Variants in DNM1L observed in about 807,000 individuals in gnomAD.
The protein encoded by DNM1L is dynamin 1L.
Under a neutral mutation model 92.8 loss-of-function variants are expected in DNM1L, and 33 were observed. That is an observed-to-expected ratio of 0.36 (90% CI 0.27 to 0.48). The LOEUF (loss-of-function observed/expected upper bound fraction) is 0.48. DNM1L is among the 20% of genes least tolerant of loss of function. The pLI is 0.99. For synonymous variants in DNM1L, 284 were observed against 305.0 expected (o/e 0.93, Z 0.72); for missense variants, 485 against 888.8 (o/e 0.55, Z 5.78).
Position 32,722,723 on chromosome 12 carries a change from AT to A in DNM1L, c.1079+92del, listed in dbSNP as rs1565524166. ...AGATGACTTCAGCTCAGATTATCTG[AT>A]TAAGATTTATTTTCTATAAAACAAA... On this transcript the variant is annotated intron_variant, in intron 9 of 19. Coordinates refer to ENST00000549701, the MANE Select transcript of DNM1L (RefSeq NM_012062.5). 8.4e-6 allele frequency: 8 copies of A among 947,674 alleles called. No homozygotes were observed. In the African/African-American group the frequency reaches 1.3e-4, roughly 16 times the overall value. The allele number at this position is 947,674 out of a possible 1,614,324, so 58.7% of individuals were successfully genotyped here.
intron 13 of DNM1L, among the ~76,000 whole-genome samples, chr12:32,735,018 C>T (rs1296801773): frequency 6.6e-6 from 1 of 152,012 alleles, no homozygotes; most frequent in African/African-American, 2.4e-5. Flanking sequence ...AGAAAGTAGG[C>T]CAGATCACAG....
At chr12:32,697,143 C>T (rs547365505) in intron 1 of DNM1L, among the ~76,000 whole-genome samples, 29 of 151,868 alleles carry the variant, frequency 1.9e-4, no homozygotes, top group African/African-American at 5.1e-4. Context: ...GCAAGAGAGT[C>T]GCTTGAACCA....
At chr12:32,691,632 T>C (rs1467459755) in intron 1 of DNM1L, among the ~76,000 whole-genome samples, 2 of 152,146 alleles carry the variant, frequency 1.3e-5, no homozygotes, top group African/African-American at 4.8e-5. Context: ...CTTCAACATA[T>C]AAATTTTGGG....
chr12:32,727,343 C>T, intron 9 of DNM1L: 1 of 796,116 alleles, frequency 1.3e-6, no homozygotes, highest in South Asian at 1.3e-5. Context: ...TTTTAACTAC[C>T]CTAGCTAGGC....
At chr12:32,679,599 TG>T (rs1386967588) in intron 1 of DNM1L, 134 bp downstream of exon 1, 6 of 1,432,796 alleles carry the variant, frequency 4.2e-6, no homozygotes, top group African/African-American at 1.5e-5. Flanking sequence ...AGGGCCTTGC[TG>T]GGGGCCCCAG....
intron 1 of DNM1L, among the ~76,000 whole-genome samples, chr12:32,689,897 A>C (rs1333929133): frequency 1.3e-5 from 2 of 152,242 alleles, no homozygotes. Flanking sequence ...GAAGAAACTA[A>C]AACTAAAAGA....
intron 15 of DNM1L, 95 bp downstream of exon 15, chr12:32,738,037 TG>T: frequency 7.3e-7 from 1 of 1,361,502 alleles, no homozygotes; most frequent in Non-Finnish European, 1.0e-6. Context: ...AATATTAATA[TG>T]GGATACTGTG....
rs190280601 is a variant in DNM1L, at chr12:32,712,151, T to C, written c.457-1058T>C. Among the ~76,000 whole-genome samples, 341 of 152,318 alleles carry C rather than the reference T, an allele frequency of 2.2e-3. 4 individuals are homozygous for C. The highest frequency in any genetic ancestry group is 0.02 in the Middle Eastern group (6 of 294). ...CTCATCTTAGTAGACAGTGATACGA[T>C]TAAAGTGAAAATTCGATTGTGTCAT... is the stretch of plus-strand genomic sequence containing the variant. On this transcript the variant is annotated intron_variant, in intron 5 of 19. Transcript: ENST00000549701.
chr12:32,682,669 G>A (rs897137575), intron 1 of DNM1L, among the ~76,000 whole-genome samples: 1 of 152,148 alleles, frequency 6.6e-6, no homozygotes, highest in Non-Finnish European at 1.5e-5. Flanking sequence ...TGACTTTGGT[G>A]GCATTCTTGC....
At chr12:32,734,557 A>G (rs1293768989) in intron 13 of DNM1L, among the ~76,000 whole-genome samples, 2 of 152,220 alleles carry the variant, frequency 1.3e-5, no homozygotes, top group African/African-American at 4.8e-5. Context: ...CTGTAATCCC[A>G]GCAATTTGGG....
At chr12:32,681,988 T>A (rs995418040) in intron 1 of DNM1L, among the ~76,000 whole-genome samples, 1 of 152,012 alleles carries the variant, frequency 6.6e-6, no homozygotes, top group African/African-American at 2.4e-5. Flanking sequence ...AGTGAGACCC[T>A]GATTCTTCCA....
In DNM1L at chr12:32,740,394, CT is replaced by C. The variant is rs1225900153; in HGVS notation, c.1885-14del. 3.1e-6 allele frequency: 5 copies of C among 1,612,564 alleles called. No individual in the cohort carries two copies. Among genetic ancestry groups the C allele is most frequent in the African/African-American group, 1.3e-5 (1 of 74,878 alleles). ...GTCACAAAAGTAATATTTTTTCCCC[CT>C]CATCCCTATTTAGCCAGTTCCTGTT... On this transcript the variant is annotated splice_polypyrimidine_tract_variant and intron_variant, in intron 17 of 19. Coordinates refer to ENST00000549701, the MANE Select transcript of DNM1L (RefSeq NM_012062.5).
intron 1 of DNM1L, among the ~76,000 whole-genome samples, chr12:32,684,500 CAG>C (rs1265996848): frequency 1.4e-5 from 2 of 140,050 alleles, no homozygotes; most frequent in Admixed American, 1.4e-4. Flanking sequence ...TTTTTTGAGA[CAG>C]AGTTTTGCTC....
chr12:32,734,609 C>A (rs1954753445), intron 13 of DNM1L, among the ~76,000 whole-genome samples: 3 of 152,148 alleles, frequency 2.0e-5, no homozygotes, highest in Admixed American at 2.0e-4. Context: ...GAGTTTGAGA[C>A]CAGCCTGGCC....
chr12:32,709,908 TA>T (rs961617486), intron 4 of DNM1L, among the ~76,000 whole-genome samples: 2 of 152,122 alleles, frequency 1.3e-5, no homozygotes, highest in African/African-American at 2.4e-5. Flanking sequence ...AATATAATTG[TA>T]TAGGGAATGT....
Position 32,740,224 on chromosome 12 carries a change from T to C in DNM1L, c.1868T>C (p.Val623Ala). 1 of 1,614,178 alleles carries C rather than the reference T, an allele frequency of 6.2e-7. No individual in the cohort carries two copies. Among genetic ancestry groups the C allele is most frequent in the Non-Finnish European group, 8.5e-7 (1 of 1,180,016 alleles). Residue 623 changes from valine (V) to alanine (A), a missense_variant, in exon 17 of 20, where the codon GTG (valine) becomes GCG (alanine). By Grantham distance (64) the Val-to-Ala change is moderately conservative. Around this residue, in one of 11 missense-constraint regions of DNM1L, gnomAD observed 133 missense variants for 210.9 expected, o/e 0.63. Coordinates refer to ENST00000549701, the MANE Select transcript of DNM1L (RefSeq NM_012062.5). ...MPASPQKGHA[V>A]NLLDVPVPVA... Reference sequence around the variant, plus strand: ...GCCAGTCCACAAAAAGGTCATGCCGTGAACCTGCTAGATGTGGTAAGCCAT... The same window carrying C: ...GCCAGTCCACAAAAAGGTCATGCCGCGAACCTGCTAGATGTGGTAAGCCAT...
intron 1 of DNM1L, among the ~76,000 whole-genome samples, chr12:32,688,094 T>C (rs904439289): frequency 2.0e-5 from 3 of 152,042 alleles, no homozygotes; most frequent in Non-Finnish European, 4.4e-5. Flanking sequence ...CTGGCTAATA[T>C]TTGTTTTTTT....
chr12:32,722,412 T>C lies in DNM1L; in HGVS notation c.873-15T>C. 6.2e-7 allele frequency: 1 copy of C among 1,608,158 alleles called. No individual in the cohort carries two copies. The highest frequency in any genetic ancestry group is 8.5e-7 in the Non-Finnish European group (1 of 1,177,072). On this transcript the variant is annotated splice_polypyrimidine_tract_variant and intron_variant, in intron 8 of 19. Coordinates refer to ENST00000549701, the MANE Select transcript of DNM1L (RefSeq NM_012062.5). Reference sequence around the variant, plus strand: ...CAATTTTACTTTTAAATCCTTCCTTTCTAACCTTTTTTAGGTTACTGATGC... The same window carrying C: ...CAATTTTACTTTTAAATCCTTCCTTCCTAACCTTTTTTAGGTTACTGATGC...
At chr12:32,722,395 C>T in intron 8 of DNM1L, 32 bp from the exon 9 acceptor site, 1 of 1,592,514 alleles carries the variant, frequency 6.3e-7, no homozygotes, top group South Asian at 1.1e-5. Context: ...CACAATTTTA[C>T]TTTTAAATCC....
Sources: gnomAD v4.1 joint callset for allele counts (sites outside exome capture counted in the v4.1 genomes callset) on GRCh38, gnomAD v4.1.1 for gene constraint, gnomAD v4.1.1 regional missense constraint, MANE v1.5 for transcripts, NCBI Gene and HGNC (gene_info 2026-07-23, HGNC 2026-07-21) for gene names.